Variants in KPRP observed in about 807,000 individuals in gnomAD.
KPRP encodes the protein keratinocyte proline-rich protein.
For missense variants in KPRP, 820 were observed against 746.4 expected (o/e 1.10, Z -1.15); for synonymous variants, 282 against 276.9 (o/e 1.02, Z -0.18).
exon 1 of KPRP, chr1:152,760,544 A>C: frequency 6.2e-7 from 1 of 1,611,058 alleles, no homozygotes; most frequent in South Asian, 1.1e-5. Flanking sequence ...AGCTGCTCTC[A>C]GAGACGTGGC....
chr1:152,759,507 C>T, upstream of KPRP: 4 of 1,527,484 alleles, frequency 2.6e-6, no homozygotes, highest in African/African-American at 5.5e-5. Context: ...CCTCTAGGTC[C>T]TGGCACCCCC....
At chr1:152,761,008 C>G in exon 1 of KPRP, 1 of 1,612,586 alleles carries the variant, frequency 6.2e-7, no homozygotes, top group South Asian at 1.1e-5. Context: ...AGAGCCTTGT[C>G]CACGACCAGA....
At chr1:152,761,214 T>C in exon 1 of KPRP, 1 of 1,614,144 alleles carries the variant, frequency 6.2e-7, no homozygotes, top group Non-Finnish European at 8.5e-7. Flanking sequence ...AAGAGAGTGG[T>C]GCTGGCTGTG....
chr1:152,760,457 G>A (rs777924792), exon 1 of KPRP: 1 of 1,613,604 alleles, frequency 6.2e-7, no homozygotes, highest in Admixed American at 1.7e-5. Flanking sequence ...CCCTCTGAAG[G>A]TTTCCCTAAC....
chr1:152,759,010 T>C (rs1651023966), upstream of KPRP, among the ~76,000 whole-genome samples: 1 of 152,256 alleles, frequency 6.6e-6, no homozygotes, highest in South Asian at 2.1e-4. Context: ...ACATTGAATA[T>C]AGAGAAACAA....
chr1:152,759,639 C>A lies in KPRP; in HGVS notation c.51C>A (p.Cys17Ter). 6.2e-7 allele frequency: 1 copy of A among 1,614,126 alleles called. No homozygotes were observed. Among genetic ancestry groups the A allele is most frequent in the Admixed American group, 1.7e-5 (1 of 60,020 alleles). The change falls in exon 1 of 1, where the codon TGC becomes TGA. Residue 17 changes from cysteine (C) to a stop codon, truncating the protein, a stop_gained. Coordinates refer to ENST00000606109, the Ensembl canonical transcript of KPRP. LOFTEE classifies it low-confidence loss of function (END_TRUNC). The stretch of plus-strand genomic sequence containing the variant: ...GCCGCCTGCCGCTCCAACAGTGCTG[C>A]GTCAAGGGTCCCTCCTTCTGCTCCT...
exon 1 of KPRP, chr1:152,761,413 A>C (rs1299099745): frequency 1.3e-6 from 2 of 1,497,890 alleles, no homozygotes; most frequent in African/African-American, 1.4e-5. Flanking sequence ...CTCTTGTTTG[A>C]ATCTCTCCAA....
At chr1:152,760,072 G>C in exon 1 of KPRP, 1 of 1,614,192 alleles carries the variant, frequency 6.2e-7, no homozygotes, top group East Asian at 2.2e-5. Context: ...TCCTCAGCCT[G>C]TCCAGATGTA....
chr1:152,759,651 C>T lies in KPRP; in HGVS notation c.63C>T (p.Pro21=), dbSNP rs150363001. Residue 21 remains proline, a synonymous_variant, in exon 1 of 1, where the codon CCC becomes CCT. Transcript: ENST00000606109. ...TCCAACAGTGCTGCGTCAAGGGTCC[C>T]TCCTTCTGCTCCTCTCAATCCCCCT... 3.1e-6 allele frequency: 5 copies of T among 1,614,044 alleles called. No individual in the cohort carries two copies. In the African/African-American group the frequency reaches 5.3e-5, roughly 17 times the overall value.
upstream of KPRP, chr1:152,759,473 G>T: frequency 6.9e-7 from 1 of 1,455,546 alleles, no homozygotes; most frequent in Non-Finnish European, 9.1e-7. Context: ...AGGAAGAAAA[G>T]CTAGGGAAGA....
chr1:152,759,503 G>T, upstream of KPRP: 1 of 1,522,224 alleles, frequency 6.6e-7, no homozygotes, highest in South Asian at 1.3e-5. Context: ...TCTTCCTCTA[G>T]GTCCTGGCAC....
chr1:152,759,653 C>A (rs754231372), exon 1 of KPRP: 1 of 1,614,148 alleles, frequency 6.2e-7, no homozygotes, highest in Non-Finnish European at 8.5e-7. Context: ...AAGGGTCCCT[C>A]CTTCTGCTCC....
At position 152,760,111 on chromosome 1, in the gene KPRP, C is replaced by T; in HGVS notation, c.523C>T (p.Gln175Ter). Residue 175 changes from glutamine to a stop codon, truncating the protein, a stop_gained, in exon 1 of 1, where the codon CAG becomes TAG. Coordinates refer to ENST00000606109, the Ensembl canonical transcript of KPRP. LOFTEE classifies it low-confidence loss of function (END_TRUNC). ...AGGGCGTCCTGCAGTGTGCCAGCCT[C>T]AGGGAAGATTCTCCACCCAGTGCCA... 6.2e-7 allele frequency: 1 copy of T among 1,614,184 alleles called. No homozygotes were observed. The highest frequency in any genetic ancestry group is 8.5e-7 in the Non-Finnish European group (1 of 1,180,030).
chr1:152,758,330 T>C (rs1651004629), upstream of KPRP, among the ~76,000 whole-genome samples: 1 of 152,228 alleles, frequency 6.6e-6, no homozygotes. Flanking sequence ...ATGATCTTTC[T>C]GGAAAAGCCA....
rs373804337 is a variant in KPRP, at chr1:152,760,550, G to A, written c.962G>A (p.Arg321His). The A allele has an allele frequency of 9.9e-6, 16 of 1,610,272 alleles. No homozygotes were observed. In the Admixed American group the frequency reaches 1.7e-4, roughly 17 times the overall value. The change falls in exon 1 of 1, where the codon CGT (arginine) becomes CAT (histidine). Residue 321 changes from arginine (R) to histidine (H), a missense_variant. Physicochemically the swap from Arg to His is conservative, Grantham distance 29. Coordinates refer to ENST00000606109, the Ensembl canonical transcript of KPRP. ...CCCATTTCAAGCTGCTCTCAGAGAC[G>A]TGGCCCCAAGTGCCGAATCGAGATT...
At chr1:152,759,463 A>G, upstream of KPRP, 2 of 1,427,664 alleles carry the variant, frequency 1.4e-6, no homozygotes, top group Non-Finnish European at 1.9e-6. Flanking sequence ...TTGAGGGTGG[A>G]GGAAGAAAAG....
exon 1 of KPRP, chr1:152,761,924 A>G (rs537733386): frequency 1.2e-5 from 2 of 168,320 alleles, no homozygotes; most frequent in South Asian, 2.0e-4. Flanking sequence ...CTCAGTGTCT[A>G]TCCTGGGGCT....
At chr1:152,761,440 C>T in exon 1 of KPRP, 1 of 1,461,118 alleles carries the variant, frequency 6.8e-7, no homozygotes, top group Non-Finnish European at 9.1e-7. Context: ...TCAGAGACTC[C>T]CTATTACGAA....
chr1:152,760,038 C>T (rs746613944), exon 1 of KPRP: 2 of 1,614,046 alleles, frequency 1.2e-6, no homozygotes, highest in African/African-American at 2.7e-5. Flanking sequence ...AATGCCCAGT[C>T]CAGAACTATG....
Sources: gnomAD v4.1 joint callset for allele counts (sites outside exome capture counted in the v4.1 genomes callset) on GRCh38, gnomAD v4.1.1 for gene constraint, MANE v1.5 for transcripts, NCBI Gene and HGNC (gene_info 2026-07-23, HGNC 2026-07-21) for gene names.